Variants in SNX25 observed in about 807,000 individuals in gnomAD.
SNX25 encodes the protein sorting nexin 25.
A neutral mutation model predicts 113.7 loss-of-function variants in SNX25; 62 were observed. The observed-to-expected ratio is 0.55, with a 90% CI of 0.44 to 0.67. The LOEUF (loss-of-function observed/expected upper bound fraction) is 0.67. Among genes scored for constraint, SNX25 ranks in the 30% least tolerant of loss-of-function variants. SNX25 has a pLI of 0.00. For missense variants in SNX25, 1,014 were observed against 1,161.0 expected (o/e 0.87, Z 1.84); for synonymous variants, 421 against 436.2 (o/e 0.97, Z 0.43).
rs567673783 is a variant in SNX25, at chr4:185,247,591, T to C, written c.514+213T>C. Among the ~76,000 whole-genome samples, 11 of 152,358 alleles carry C rather than the reference T, an allele frequency of 7.2e-5. No individual in the cohort carries two copies. In the South Asian group the frequency reaches 2.1e-3, roughly 29 times the overall value. ...TTGTTGAGTAGGAATTTCCAGATCA[T>C]GTGAAACTAGCCAGCCATGTAGAGC... On this transcript the variant is annotated intron_variant, in intron 2 of 18. Coordinates refer to ENST00000652585, the MANE Select transcript of SNX25 (RefSeq NM_001378034.2).
chr4:185,265,815 C>T (rs1183007238), intron 4 of SNX25, among the ~76,000 whole-genome samples: 1 of 152,004 alleles, frequency 6.6e-6, no homozygotes, highest in Admixed American at 6.6e-5. Context: ...TTTACACTAG[C>T]TTGACCTCAT....
At chr4:185,224,393 A>G (rs904653217) in intron 1 of SNX25, among the ~76,000 whole-genome samples, 1 of 145,666 alleles carries the variant, frequency 6.9e-6, no homozygotes, top group Non-Finnish European at 1.5e-5. Context: ...AAATATATAA[A>G]TATATAAAAA....
intron 1 of SNX25, among the ~76,000 whole-genome samples, chr4:185,231,130 G>A (rs1278722798): frequency 4.2e-5 from 6 of 142,770 alleles, no homozygotes; most frequent in Admixed American, 1.4e-4. Flanking sequence ...ACAGTGTTTC[G>A]CTCTGTCGCC....
intron 9 of SNX25, among the ~76,000 whole-genome samples, chr4:185,324,719 T>A (rs961850756): frequency 6.6e-6 from 1 of 152,076 alleles, no homozygotes; most frequent in African/African-American, 2.4e-5. Context: ...TGGATTTAGG[T>A]GGTTTTTGAT....
chr4:185,246,010 G>A (rs186249085), intron 1 of SNX25, among the ~76,000 whole-genome samples: 31 of 152,264 alleles, frequency 2.0e-4, no homozygotes, highest in African/African-American at 7.5e-4. Context: ...CTTTAGGCCG[G>A]GTGCGGTGGC....
Position 185,290,108 on chromosome 4 carries a change from T to A in SNX25, c.1162+2026T>A, listed in dbSNP as rs143933434. Among the ~76,000 whole-genome samples, 6 of 152,278 alleles carry A rather than the reference T, an allele frequency of 3.9e-5. No individual in the cohort carries two copies. In the East Asian group the frequency reaches 1.2e-3, roughly 29 times the overall value. ...TTTTCTATTCTTACAAGGATGCCAG[T>A]CATACTGCACTGGGGCCCATCTAAT... On this transcript the variant is annotated intron_variant, in intron 6 of 18. Coordinates refer to ENST00000652585, the MANE Select transcript of SNX25 (RefSeq NM_001378034.2).
chr4:185,294,651 A>G, intron 6 of SNX25, among the ~76,000 whole-genome samples: 1 of 152,198 alleles, frequency 6.6e-6, no homozygotes, highest in East Asian at 1.9e-4. Flanking sequence ...GCTATTTCCA[A>G]GTCAAATATC....
the SNX25 span, chr4:185,376,775 G>T: frequency 1.6e-6 from 1 of 633,068 alleles, no homozygotes; most frequent in Non-Finnish European, 2.8e-6. Context: ...TACTGTTAAA[G>T]CCACAGCCAT....
chr4:185,234,418 C>CTGA (rs1742320697), intron 1 of SNX25, among the ~76,000 whole-genome samples: 1 of 19,082 alleles, frequency 5.2e-5, no homozygotes, highest in Non-Finnish European at 1.4e-4. Flanking sequence ...CGCGGTGGCT[C>CTGA]ACGCCTGTAA....
intron 13 of SNX25, among the ~76,000 whole-genome samples, chr4:185,348,415 C>T (rs2095298807): frequency 6.7e-6 from 1 of 148,844 alleles, no homozygotes; most frequent in South Asian, 2.1e-4. Context: ...TTTTTTGAGA[C>T]AGACTCTTGC....
chr4:185,355,669 T>TA (rs1257155266), intron 15 of SNX25, among the ~76,000 whole-genome samples: 1 of 152,236 alleles, frequency 6.6e-6, no homozygotes, highest in Non-Finnish European at 1.5e-5. Flanking sequence ...TCCTTTCAGA[T>TA]AAAAAACCTA....
intron 2 of SNX25, among the ~76,000 whole-genome samples, chr4:185,248,192 T>C (rs1028463760): frequency 6.6e-6 from 1 of 152,194 alleles, no homozygotes; most frequent in Admixed American, 6.5e-5. Flanking sequence ...TTTAGACCTT[T>C]GGGGACATAA....
chr4:185,208,312 G>A (rs1001812737), upstream of SNX25, among the ~76,000 whole-genome samples: 1 of 151,922 alleles, frequency 6.6e-6, no homozygotes, highest in Non-Finnish European at 1.5e-5. Context: ...CACCGTGCCC[G>A]CCCCTATTTT....
chr4:185,309,263 A>G (rs796496908), intron 6 of SNX25, among the ~76,000 whole-genome samples: 56 of 152,304 alleles, frequency 3.7e-4, no homozygotes, highest in African/African-American at 1.2e-3. Context: ...AGCCACTTAC[A>G]TAGTGACCCA....
At chr4:185,374,660 T>C (rs903179090), downstream of SNX25, among the ~76,000 whole-genome samples, 1 of 152,204 alleles carries the variant, frequency 6.6e-6, no homozygotes, top group East Asian at 1.9e-4. Context: ...GTACATCTCC[T>C]ACTCAGGCAC....
At chr4:185,291,668 T>C (rs1752189058) in intron 6 of SNX25, among the ~76,000 whole-genome samples, 1 of 152,240 alleles carries the variant, frequency 6.6e-6, no homozygotes, top group South Asian at 2.1e-4. Flanking sequence ...CTGGCAATCC[T>C]TGGTGTTCCC....
chr4:185,271,738 C>T (rs1468744084), intron 5 of SNX25, among the ~76,000 whole-genome samples: 1 of 152,322 alleles, frequency 6.6e-6, no homozygotes, highest in East Asian at 1.9e-4. Context: ...TGTACCTATC[C>T]ACTTTTATTT....
At chr4:185,247,130 A>T (rs555559381) in intron 1 of SNX25, among the ~76,000 whole-genome samples, 164 bp from the exon 2 acceptor site, 1 of 152,242 alleles carries the variant, frequency 6.6e-6, no homozygotes, top group Admixed American at 6.5e-5. Flanking sequence ...TTTTCCAAAA[A>T]ATTTTAACCT....
chr4:185,301,074 A>C (rs1455513423), intron 6 of SNX25, among the ~76,000 whole-genome samples: 1 of 152,118 alleles, frequency 6.6e-6, no homozygotes, highest in Non-Finnish European at 1.5e-5. Context: ...CATTCCAAAG[A>C]GGGTCCTGCC....
Sources: gnomAD v4.1 joint callset for allele counts (sites outside exome capture counted in the v4.1 genomes callset) on GRCh38, gnomAD v4.1.1 for gene constraint, MANE v1.5 for transcripts, NCBI Gene and HGNC (gene_info 2026-07-23, HGNC 2026-07-21) for gene names.